Variants in IDE observed in about 807,000 individuals in gnomAD.
The protein encoded by IDE is insulin-degrading enzyme.
IDE carries 58 observed loss-of-function variants against 133.2 expected under a neutral mutation model. The ratio of observed to expected loss-of-function variants is 0.44; its 90% CI spans 0.35 to 0.54. The LOEUF (loss-of-function observed/expected upper bound fraction) is 0.54, where lower values mean the gene tolerates loss of function less well. IDE is among the 20% of genes least tolerant of loss of function. The probability of loss-of-function intolerance (pLI) is 0.00; values close to 1 mark genes in which losing one functional copy is unlikely to be tolerated. For missense variants in IDE, 981 were observed against 1,234.0 expected, an observed-to-expected ratio of 0.79 and a Z score of 3.07; for synonymous variants, 396 against 421.3, an observed-to-expected ratio of 0.94 and a Z score of 0.73.
intron 1 of IDE, among the ~76,000 whole-genome samples, chr10:92,539,189 CT>C (rs879745601): frequency 2.8e-3 from 401 of 145,122 alleles, no homozygotes; most frequent in African/African-American, 5.1e-3. Context: ...TCCCCTAGAT[CT>C]TTTTTTTTTT....
At chr10:92,509,921 CAAAAAAA>C (rs11324773) in intron 6 of IDE, 122 bp downstream of exon 6, 7 of 335,902 alleles carry the variant, frequency 2.1e-5, no homozygotes, top group Admixed American at 5.7e-5. Flanking sequence ...ACTCTGTTTC[CAAAAAAA>C]AAAAAAAAAA....
At chr10:92,552,292 TAAGA>T (rs1360204515) in intron 1 of IDE, among the ~76,000 whole-genome samples, 1 of 152,000 alleles carries the variant, frequency 6.6e-6, no homozygotes, top group Non-Finnish European at 1.5e-5. Context: ...ATTGAGGAAA[TAAGA>T]AAGTAAATTG....
chr10:92,546,972 G>A (rs1343080320), intron 1 of IDE, among the ~76,000 whole-genome samples: 1 of 152,080 alleles, frequency 6.6e-6, no homozygotes, highest in East Asian at 1.9e-4. Context: ...ACCATATAAC[G>A]TTAACATTTC....
intron 3 of IDE, among the ~76,000 whole-genome samples, chr10:92,533,291 C>G (rs1222882950): frequency 6.6e-6 from 1 of 152,090 alleles, no homozygotes; most frequent in East Asian, 1.9e-4. Context: ...TCCCAGGGAA[C>G]TAATTAATGG....
chr10:92,509,975 C>A, intron 6 of IDE, 75 bp downstream of exon 6: 1 of 606,348 alleles, frequency 1.6e-6, no homozygotes, highest in Non-Finnish European at 2.8e-6. Context: ...AAAATTTTCA[C>A]CTGTTCTATG....
Position 92,534,659 on chromosome 10 carries a change from C to A in IDE, c.410G>T (p.Ser137Ile), listed in dbSNP as rs1850142098. 11 of 1,613,744 alleles carry A rather than the reference C, an allele frequency of 6.8e-6. No homozygotes were observed. Among genetic ancestry groups the A allele is most frequent in the Non-Finnish European group, 9.3e-6 (11 of 1,179,790 alleles). ...CTCTCCACTAGTAAAGGCATTTGAACTTCCTGCATGCTCACTGAGAAACTG... is the reference window on the plus strand; with the variant it reads ...CTCTCCACTAGTAAAGGCATTTGAAATTCCTGCATGCTCACTGAGAAACTG... ...YSQFLSEHAG[S>I]SNAFTSGEHT... Residue 137 changes from serine to isoleucine, a missense_variant, in exon 3 of 25, where the codon AGT becomes ATT. Ser to Ile is a moderately radical substitution (Grantham distance 142). Transcript: ENST00000265986.
chr10:92,456,545 G>T (rs1172451099), intron 22 of IDE, 114 bp from the exon 23 acceptor site: 2 of 791,536 alleles, frequency 2.5e-6, no homozygotes, highest in Non-Finnish European at 4.4e-6. Flanking sequence ...TAGAAAAGAT[G>T]CTTCCCTTTC....
In IDE at chr10:92,453,607, C is replaced by T. The variant is rs550032795; in HGVS notation, c.*837G>A. 101 of 152,268 alleles carry T rather than the reference C, an allele frequency of 6.6e-4. No homozygotes were observed. The highest frequency in any genetic ancestry group is 2.4e-3 in the African/African-American group (101 of 41,556). The allele number at this position is 152,268 out of a possible 1,614,324, so 9.4% of individuals were successfully genotyped here. A position where few individuals can be genotyped will look rare whatever the true frequency, so the allele number is the denominator to read the frequency against. On this transcript the variant is annotated 3_prime_UTR_variant, in exon 25 of 25. Coordinates refer to ENST00000265986, the MANE Select transcript of IDE (RefSeq NM_004969.4). ...ATGTTGGAAAAGCATGTCACACACT[C>T]AGTAGGATCTGAAGTTGACCCTATT... is the stretch of plus-strand genomic sequence containing the variant.
intron 4 of IDE, among the ~76,000 whole-genome samples, chr10:92,529,801 TCTGATTATG>T (rs368345576): frequency 3.2e-4 from 49 of 152,312 alleles, no homozygotes; most frequent in African/African-American, 1.0e-3. Flanking sequence ...GTAACTGCTT[TCTGATTATG>T]CTGATTATAA....
At chr10:92,553,994 T>C (rs1842903688) in intron 1 of IDE, among the ~76,000 whole-genome samples, 2 of 152,218 alleles carry the variant, frequency 1.3e-5, no homozygotes, top group Admixed American at 1.3e-4. Flanking sequence ...AGTATTACCC[T>C]GATACCAAAA....
At chr10:92,463,621 C>A (rs1845511484) in intron 21 of IDE, 110 bp downstream of exon 21, 1 of 1,019,460 alleles carries the variant, frequency 9.8e-7, no homozygotes, top group Non-Finnish European at 1.5e-6. Flanking sequence ...ACCCCAACTC[C>A]CCAAATAGGT....
chr10:92,572,929 A>G, intron 1 of IDE: 1 of 985,064 alleles, frequency 1.0e-6, no homozygotes, highest in Non-Finnish European at 1.2e-6. Context: ...AGCTATCTCA[A>G]TTCCCGTGGC....
chr10:92,488,418 G>C (rs1847133302), intron 12 of IDE, among the ~76,000 whole-genome samples: 1 of 152,020 alleles, frequency 6.6e-6, no homozygotes, highest in Non-Finnish European at 1.5e-5. Flanking sequence ...TTAAGAACTG[G>C]CCCACACCTC....
intron 1 of IDE, among the ~76,000 whole-genome samples, chr10:92,542,733 C>T (rs1355592507): frequency 6.6e-6 from 1 of 152,098 alleles, no homozygotes; most frequent in African/African-American, 2.4e-5. Context: ...GTGAGCGAAG[C>T]CTGACAATGA....
chr10:92,510,400 T>A (rs1238042931), intron 5 of IDE, among the ~76,000 whole-genome samples: 1 of 152,150 alleles, frequency 6.6e-6, no homozygotes, highest in Non-Finnish European at 1.5e-5. Flanking sequence ...CAATAATAAT[T>A]GCATTTGGAA....
At chr10:92,490,067 G>A (rs891314511) in intron 12 of IDE, among the ~76,000 whole-genome samples, 1 of 152,194 alleles carries the variant, frequency 6.6e-6, no homozygotes, top group Non-Finnish European at 1.5e-5. Flanking sequence ...TATAACATGA[G>A]GCATAAAACA....
intron 20 of IDE, 102 bp from the exon 21 acceptor site, chr10:92,464,105 A>C: frequency 8.1e-7 from 1 of 1,231,688 alleles, no homozygotes; most frequent in Non-Finnish European, 1.1e-6. Context: ...AATCTAGTTT[A>C]AGGTTTTAGA....
In IDE at chr10:92,574,007, G is replaced by C. The variant is rs949668773; in HGVS notation, c.13C>G (p.Leu5Val). 5.3e-6 allele frequency: 8 copies of C among 1,509,138 alleles called. No individual in the cohort carries two copies. Among genetic ancestry groups the C allele is most frequent in the Non-Finnish European group, 7.1e-6 (8 of 1,129,590 alleles). 93.5% of individuals were successfully genotyped at this position (1,509,138 alleles called of 1,614,324 possible). ...AGTGCGGGGTGCAGAAGCCACGCTA[G>C]CCGGTACCGCATTAGCCAGCGCAGT... MRYR[L>V]AWLLHPALPS... Residue 5 changes from leucine (L) to valine (V), a missense_variant, in exon 1 of 25, where the codon CTA (leucine) becomes GTA (valine). By Grantham distance (32) the Leu-to-Val change is conservative. Transcript: ENST00000265986.
intron 3 of IDE, among the ~76,000 whole-genome samples, chr10:92,533,075 T>C (rs529645434): frequency 5.3e-5 from 8 of 152,204 alleles, no homozygotes; most frequent in Non-Finnish European, 1.0e-4. Flanking sequence ...CTGGGAAAAA[T>C]GTCTAATAGC....
Sources: allele counts gnomAD v4.1 joint callset (sites outside exome capture counted in the v4.1 genomes callset), GRCh38; gene constraint gnomAD v4.1.1; transcripts MANE v1.5; gene names NCBI Gene and HGNC (gene_info 2026-07-23, HGNC 2026-07-21).